The following RYR1 variants were observed in gnomAD, a reference collection of about 807,000 sequenced individuals.
The protein encoded by RYR1 is central core disease of muscle.
A neutral mutation model predicts 583.5 loss-of-function variants in RYR1; 342 were observed. The ratio of observed to expected loss-of-function variants is 0.59; its 90% CI spans 0.54 to 0.64. The LOEUF (loss-of-function observed/expected upper bound fraction) is 0.64, where lower values mean the gene tolerates loss of function less well. Ranked by LOEUF, RYR1 falls within the 30% of genes least tolerant of loss-of-function variation. RYR1 has a pLI of 0.00. For missense variants in RYR1, 6,032 were observed against 6,917.2 expected, an observed-to-expected ratio of 0.87 and a Z score of 4.54; for synonymous variants, 2,791 against 2,822.5, an observed-to-expected ratio of 0.99 and a Z score of 0.35.
chr19:38,464,369 G>A (rs1967975413), intron 22 of RYR1, among the ~76,000 whole-genome samples: 1 of 151,508 alleles, frequency 6.6e-6, no homozygotes, highest in African/African-American at 2.4e-5. Flanking sequence ...AAAAGGTGGG[G>A]ATGGAAAGAG....
intron 64 of RYR1, 133 bp downstream of exon 64, chr19:38,515,240 T>G: frequency 1.2e-5 from 9 of 762,088 alleles, no homozygotes; most frequent in Non-Finnish European, 1.8e-5. Context: ...CAGCCGCGGT[T>G]CCCCACGGCG....
chr19:38,475,482 C>T (rs1440339968), intron 29 of RYR1, 32 bp downstream of exon 29: 3 of 1,612,172 alleles, frequency 1.9e-6, no homozygotes, highest in South Asian at 2.2e-5. Flanking sequence ...TTTTGGGGTC[C>T]CCCCGCATAG....
rs193922791 is a variant in RYR1 at position 38,496,265 on chromosome 19, C to T, written c.6599C>T (p.Ala2200Val). 79 of 1,613,848 alleles carry T rather than the reference C, an allele frequency of 4.9e-5. No individual in the cohort carries two copies. The highest frequency in any genetic ancestry group is 6.7e-5 in the East Asian group (3 of 44,876). Reference protein sequence around the residue: ...VFYQHPNLMRALGMHETVMEV... With the variant: ...VFYQHPNLMRVLGMHETVMEV... ...TACCAACACCCGAACCTGATGAGGG[C>T]GCTGGGCATGCACGAGACGGTCATG... is the stretch of plus-strand genomic sequence containing the variant. The change falls in exon 40 of 106, where the codon GCG becomes GTG. Residue 2200 changes from alanine to valine, a missense_variant. Ala to Val is a moderately conservative substitution (Grantham distance 64, BLOSUM62 0). Transcript: ENST00000359596. This position sits in a 1 kb window ranked among gnomAD's most constrained non-coding sequence, Gnocchi z 4.8.
In RYR1 at chr19:38,478,467, G is replaced by A. The variant is rs1261712540; in HGVS notation, c.4487G>A (p.Gly1496Asp). The A allele has an allele frequency of 6.2e-7, 1 of 1,613,884 alleles. No individual in the cohort carries two copies. Among genetic ancestry groups the A allele is most frequent in the East Asian group, 2.2e-5 (1 of 44,890 alleles). Reference protein sequence around the residue: ...LKCSNCYMVWGGDFVSPGQQG... With the variant: ...LKCSNCYMVWDGDFVSPGQQG... ...TGTAGCAACTGCTACATGGTGTGGG[G>A]CGGAGACTTTGTGAGTCCCGGGCAG... The change falls in exon 31 of 106, where the codon GGC becomes GAC. Residue 1496 changes from glycine (G) to aspartate (D), a missense_variant. Physicochemically the swap from Gly to Asp is moderately conservative, Grantham distance 94. Around this residue, in one of 11 missense-constraint regions of RYR1, gnomAD observed 2,627 missense variants for 2,961.3 expected, o/e 0.89. Transcript: ENST00000359596.
At position 38,532,661 on chromosome 19, in the gene RYR1, C is replaced by T; in HGVS notation, c.11194-10C>T. Reference sequence around the variant, plus strand: ...CTTTGTTCATCCCTTAACTGATGCCCCCTCCCCAGAGCTGCCACCTGGAGG... The same window carrying T: ...CTTTGTTCATCCCTTAACTGATGCCTCCTCCCCAGAGCTGCCACCTGGAGG... On this transcript the variant is annotated splice_polypyrimidine_tract_variant and intron_variant, in intron 77 of 105. Coordinates refer to ENST00000359596, the MANE Select transcript of RYR1 (RefSeq NM_000540.3). 1 of 1,614,078 alleles carries T rather than the reference C, an allele frequency of 6.2e-7. No homozygotes were observed. The highest frequency in any genetic ancestry group is 8.5e-7 in the Non-Finnish European group (1 of 1,180,016).
intron 91 of RYR1, among the ~76,000 whole-genome samples, chr19:38,566,662 G>A (rs2145851507): frequency 6.6e-6 from 1 of 151,814 alleles, no homozygotes; most frequent in African/African-American, 2.4e-5. Context: ...GAAGCCCTGG[G>A]GACAAGCAGA....
chr19:38,452,607 C>A (rs141620205), intron 12 of RYR1, among the ~76,000 whole-genome samples: 2 of 152,110 alleles, frequency 1.3e-5, no homozygotes, highest in Non-Finnish European at 2.9e-5. Context: ...GTTCCGGGAC[C>A]CCCCTGTACC....
chr19:38,483,172 G>T lies in RYR1; in HGVS notation c.4707+59G>T. The T allele has an allele frequency of 1.9e-6, 3 of 1,598,402 alleles. No individual in the cohort carries two copies. In the South Asian group the frequency reaches 3.3e-5, roughly 18 times the overall value. On this transcript the variant is annotated intron_variant, in intron 32 of 105. Transcript: ENST00000359596. The surrounding 1 kb of genome is among the most constrained non-coding windows in gnomAD (Gnocchi z 6.3). ...CAGGCTGAGGCAGGAGATGTGGGGA[G>T]GCCAGGCGGGCAGAGCCACTGAAGG...
chr19:38,498,174 G>C (rs1048622720), intron 42 of RYR1, among the ~76,000 whole-genome samples: 2 of 152,218 alleles, frequency 1.3e-5, no homozygotes, highest in African/African-American at 4.8e-5. Flanking sequence ...CAGAGGTAGT[G>C]AGGGTGAGGG....
chr19:38,562,870 G>A (rs1181955277), intron 90 of RYR1, among the ~76,000 whole-genome samples: 1 of 152,144 alleles, frequency 6.6e-6, no homozygotes, highest in African/African-American at 2.4e-5. Context: ...GGCCCCCGGT[G>A]TCTCCTCACA....
rs1969091538 is a variant in RYR1, at chr19:38,483,040, C to G, written c.4634C>G (p.Thr1545Ser). The change falls in exon 32 of 106, where the codon ACT becomes AGT. Residue 1545 changes from threonine to serine, a missense_variant. Thr to Ser is a moderately conservative substitution (Grantham distance 58, BLOSUM62 1). This residue lies in a region of RYR1 where 2,627 missense variants were observed against 2,961.3 expected (regional missense o/e 0.89). Transcript: ENST00000359596. This position sits in a 1 kb window ranked among gnomAD's most constrained non-coding sequence, Gnocchi z 6.3. ...SNTFFQVEPN[T>S]KLFPAVFVLP... The stretch of plus-strand genomic sequence containing the variant: ...CTCCTCTGCCAGGTGGAACCCAACA[C>G]TAAGCTATTTCCTGCCGTCTTCGTC... The G allele has an allele frequency of 1.2e-6, 2 of 1,614,010 alleles. No individual in the cohort carries two copies. The highest frequency in any genetic ancestry group is 1.7e-5 in the Admixed American group (1 of 59,992).
chr19:38,524,034 C>T, intron 70 of RYR1, 105 bp downstream of exon 70: 1 of 1,262,434 alleles, frequency 7.9e-7, no homozygotes, highest in Non-Finnish European at 1.1e-6. Context: ...CTGTTCCCCA[C>T]CCCCGTCCTC....
At chr19:38,526,557 A>C (rs1996410) in intron 71 of RYR1, among the ~76,000 whole-genome samples, 9,180 of 149,328 alleles carry the variant, frequency 0.061, 376 homozygotes, top group South Asian at 0.14. Context: ...ACCCCAGTGA[A>C]CCCCCACCCT....
In RYR1 at chr19:38,526,978, G is replaced by GC; in HGVS notation, c.10627-14dup. The GC allele has an allele frequency of 6.2e-7, 1 of 1,613,614 alleles. No individual in the cohort carries two copies. Among genetic ancestry groups the GC allele is most frequent in the South Asian group, 1.1e-5 (1 of 91,072 alleles). On this transcript the variant is annotated splice_polypyrimidine_tract_variant and intron_variant, in intron 71 of 105. Coordinates refer to ENST00000359596, the MANE Select transcript of RYR1 (RefSeq NM_000540.3). ...GGGACCTCCAGAGTGACCCAGCCTG[G>GC]CTCTGTCTCCCCAGAAAGACACAGA...
chr19:38,434,130 C>T (rs916700641), intron 1 of RYR1, among the ~76,000 whole-genome samples: 12 of 152,032 alleles, frequency 7.9e-5, no homozygotes, highest in Non-Finnish European at 1.6e-4. Flanking sequence ...AGCGATTTGT[C>T]CCCCACAAGA....
At chr19:38,585,901 C>A (rs1208323823) in intron 102 of RYR1, 37 bp from the exon 103 acceptor site, 2 of 1,613,634 alleles carry the variant, frequency 1.2e-6, no homozygotes, top group African/African-American at 1.3e-5. Context: ...TGAACCAGGT[C>A]AGAGGTCGGG....
In RYR1 at chr19:38,532,749, A is replaced by G. The variant is rs759546065; in HGVS notation, c.11259+13A>G. On this transcript the variant is annotated intron_variant, in intron 78 of 105. Transcript: ENST00000359596. ...GGTCTCCTTTGAGGTAGGTGGGCTC[A>G]GGAGGTCCTGGAGGGAAGGGATGGG... The G allele has an allele frequency of 6.2e-7, 1 of 1,613,206 alleles. No individual in the cohort carries two copies. Among genetic ancestry groups the G allele is most frequent in the South Asian group, 1.1e-5 (1 of 91,056 alleles).
chr19:38,548,961 C>G (rs907576353), intron 89 of RYR1, among the ~76,000 whole-genome samples: 1 of 152,192 alleles, frequency 6.6e-6, no homozygotes. Context: ...ATAGTCATAA[C>G]ATTATCATTA....
At position 38,565,223 on chromosome 19, in the gene RYR1, G is replaced by C. The variant is rs1973345393; in HGVS notation, c.12889G>C (p.Val4297Leu). Residue 4297 changes from valine to leucine, a missense_variant, in exon 91 of 106, where the codon GTT (valine) becomes CTT (leucine). Coordinates refer to ENST00000359596, the MANE Select transcript of RYR1 (RefSeq NM_000540.3). The surrounding 1 kb of genome is among the most constrained non-coding windows in gnomAD (Gnocchi z 4.7). ...ATAAAGATAR[V>L]VAAAGRALRG... is the part of the protein sequence containing the mutation. Reference sequence around the variant, plus strand: ...GGCGGCGGCGGGGGCGACGGCGCGGGTTGTGGCGGCCGCAGGCCGGGCCCT... The same window carrying C: ...GGCGGCGGCGGGGGCGACGGCGCGGCTTGTGGCGGCCGCAGGCCGGGCCCT... 1 of 990,714 alleles carries C rather than the reference G, an allele frequency of 1.0e-6. No individual in the cohort carries two copies. 61.4% of individuals were successfully genotyped at this position (990,714 alleles called of 1,614,324 possible).
Sources: gnomAD v4.1 joint callset for allele counts (sites outside exome capture counted in the v4.1 genomes callset) on GRCh38, gnomAD v4.1.1 for gene constraint, gnomAD v4.1.1 regional missense constraint, Gnocchi (gnomAD v3.1) non-coding constraint, MANE v1.5 for transcripts, NCBI Gene and HGNC (gene_info 2026-07-23, HGNC 2026-07-21) for gene names.